Variants in VWDE observed in about 807,000 individuals in gnomAD.
The protein encoded by VWDE is von Willebrand factor D and EGF domains, also known as von Willebrand factor D and EGF domain-containing protein.
VWDE carries 207 observed loss-of-function variants against 178.4 expected under a neutral mutation model. The observed-to-expected ratio is 1.16, with a 90% confidence interval of 1.04 to 1.30. VWDE has a LOEUF of 1.30. Among genes scored for constraint, VWDE ranks in the 50% most tolerant of loss-of-function variants. The pLI is 0.00. For missense variants in VWDE, 2,287 were observed against 1,901.3 expected (o/e 1.20, Z -3.77); for synonymous variants, 738 against 651.4 (o/e 1.13, Z -2.02).
At position 12,369,918 on chromosome 7, in the gene VWDE, G is replaced by A; in HGVS notation, c.2388C>T (p.Pro796=). 3 of 1,551,410 alleles carry A rather than the reference G, an allele frequency of 1.9e-6. No individual in the cohort carries two copies. Among genetic ancestry groups the A allele is most frequent in the Non-Finnish European group, 2.6e-6 (3 of 1,146,878 alleles). Residue 796 remains proline (P), a synonymous_variant, in exon 12 of 29, where the codon CCC becomes CCT. Coordinates refer to ENST00000275358, the MANE Select transcript of VWDE (RefSeq NM_001135924.3). ...DVQQEFFPSW[P]TPSGLTEYST... The stretch of plus-strand genomic sequence containing the variant: ...TATACTCGGTGAGGCCAGAGGGAGT[G>A]GGCCAAGAGGGGAAAAACTCTTGCT...
chr7:12,390,692 T>C (rs1393834773), intron 2 of VWDE, among the ~76,000 whole-genome samples: 1 of 151,870 alleles, frequency 6.6e-6, no homozygotes, highest in African/African-American at 2.4e-5. Context: ...AGACTACAAA[T>C]GGGCAAAATG....
In VWDE at chr7:12,336,129, C is replaced by T. The variant is rs1274755552; in HGVS notation, c.4654+12G>A. 61 of 1,547,072 alleles carry T rather than the reference C, an allele frequency of 3.9e-5. No homozygotes were observed. The highest frequency in any genetic ancestry group is 5.1e-5 in the Non-Finnish European group (58 of 1,144,502). Reference sequence around the variant, plus strand: ...CAGAACATATAGTAGGAAAAACATCCTGTGGGCTTACGTATTTGACACCGC... The same window carrying T: ...CAGAACATATAGTAGGAAAAACATCTTGTGGGCTTACGTATTTGACACCGC... On this transcript the variant is annotated intron_variant, in intron 27 of 28. Transcript: ENST00000275358.
intron 13 of VWDE, among the ~76,000 whole-genome samples, chr7:12,363,584 T>C (rs1782696005): frequency 1.3e-5 from 2 of 152,190 alleles, no homozygotes; most frequent in South Asian, 2.1e-4. Flanking sequence ...TTACACTTTA[T>C]ATTAAAAAAA....
intron 7 of VWDE, 89 bp from the exon 8 acceptor site, chr7:12,375,316 T>G: frequency 1.0e-6 from 1 of 1,004,128 alleles, no homozygotes; most frequent in South Asian, 1.7e-5. Context: ...AACACTGAAT[T>G]GTAAGATTAT....
chr7:12,381,909 C>A (rs1243245926), intron 4 of VWDE, among the ~76,000 whole-genome samples: 1 of 151,718 alleles, frequency 6.6e-6, no homozygotes, highest in East Asian at 1.9e-4. Context: ...TGAATCAATA[C>A]TTTAAATTGA....
At chr7:12,366,761 A>G (rs953654520) in intron 13 of VWDE, among the ~76,000 whole-genome samples, 5 of 152,246 alleles carry the variant, frequency 3.3e-5, no homozygotes, top group Admixed American at 2.0e-4. Context: ...TTTGAAATTC[A>G]TAGAGTCATC....
At chr7:12,345,093 C>T (rs1039531511) in intron 19 of VWDE, among the ~76,000 whole-genome samples, 2 of 151,984 alleles carry the variant, frequency 1.3e-5, no homozygotes, top group African/African-American at 4.8e-5. Flanking sequence ...ACAGTTGATA[C>T]AAAATGTTTC....
chr7:12,333,358 T>A (rs1780835339), intron 28 of VWDE, 107 bp downstream of exon 28: 3 of 740,108 alleles, frequency 4.1e-6, no homozygotes, highest in Admixed American at 3.4e-5. Flanking sequence ...AATGCTTTTT[T>A]TATTTTGGAA....
At chr7:12,399,894 G>A (rs1784820101) in intron 1 of VWDE, among the ~76,000 whole-genome samples, 1 of 151,804 alleles carries the variant, frequency 6.6e-6, no homozygotes, top group African/African-American at 2.4e-5. Context: ...TGATTACAAT[G>A]GAATGAAATT....
In VWDE at chr7:12,344,232, C is replaced by G. The variant is rs775161691; in HGVS notation, c.4041G>C (p.Gln1347His). The G allele has an allele frequency of 3.2e-6, 5 of 1,551,150 alleles. No individual in the cohort carries two copies. In the Admixed American group the frequency reaches 5.9e-5, roughly 18 times the overall value. The stretch of plus-strand genomic sequence containing the variant: ...TTGCTCCACCATGTCCTGGAAGACA[C>G]TGACAAATGTTAGGCTTAATACATT... ...HGKCIKPNIC[Q>H]CLPGHGGATC... Residue 1347 changes from glutamine (Q) to histidine (H), a missense_variant, in exon 21 of 29, where the codon CAG becomes CAC. Physicochemically the swap from Gln to His is conservative, Grantham distance 24. Coordinates refer to ENST00000275358, the MANE Select transcript of VWDE (RefSeq NM_001135924.3).
At chr7:12,371,221 G>C (rs1783179825) in intron 10 of VWDE, among the ~76,000 whole-genome samples, 1 of 152,148 alleles carries the variant, frequency 6.6e-6, no homozygotes, top group Non-Finnish European at 1.5e-5. Flanking sequence ...ATTTAATACA[G>C]AATTAGATTG....
chr7:12,376,855 C>G (rs906837731), intron 7 of VWDE, among the ~76,000 whole-genome samples: 1 of 152,062 alleles, frequency 6.6e-6, no homozygotes, highest in East Asian at 1.9e-4. Context: ...CTTTAGCCAT[C>G]TCTTTTCTTG....
intron 10 of VWDE, among the ~76,000 whole-genome samples, chr7:12,371,401 C>T (rs984056345): frequency 6.6e-6 from 1 of 152,006 alleles, no homozygotes; most frequent in Non-Finnish European, 1.5e-5. Context: ...CTGAATGACC[C>T]TAGTAGCCTG....
chr7:12,393,620 C>G lies in VWDE; in HGVS notation c.217G>C (p.Ala73Pro), dbSNP rs1784489541. Reference protein sequence around the residue: ...WYRFLILDRPAEMPTKCVEMN... With the variant: ...WYRFLILDRPPEMPTKCVEMN... ...TCAACACATTTGGTTGGCATCTCGG[C>G]AGGTCTGTCAAGGATGAGAAATCTA... Residue 73 changes from alanine (A) to proline (P), a missense_variant, in exon 2 of 29, where the codon GCC becomes CCC. Physicochemically the swap from Ala to Pro is conservative, Grantham distance 27. Transcript: ENST00000275358. 3 of 1,549,534 alleles carry G rather than the reference C, an allele frequency of 1.9e-6. No individual in the cohort carries two copies. Among genetic ancestry groups the G allele is most frequent in the Middle Eastern group, 1.7e-4 (1 of 5,968 alleles).
chr7:12,370,479 T>A lies in VWDE; in HGVS notation c.1827A>T (p.Thr609=). Reference sequence around the variant, plus strand: ...CAGGTGATGTCATAGAAACTGGCAGTGTGTCAGACATGCTTTTTCCTGGTA... The same window carrying A: ...CAGGTGATGTCATAGAAACTGGCAGAGTGTCAGACATGCTTTTTCCTGGTA... ...RILPGKSMSD[T]LPVSMTSPGK... Residue 609 remains threonine (T), a synonymous_variant, in exon 12 of 29, where the codon ACA becomes ACT. Transcript: ENST00000275358. 2 of 1,541,320 alleles carry A rather than the reference T, an allele frequency of 1.3e-6. No individual in the cohort carries two copies. Among genetic ancestry groups the A allele is most frequent in the Non-Finnish European group, 1.7e-6 (2 of 1,145,984 alleles).
At chr7:12,358,131 C>G (rs1481413202) in intron 16 of VWDE, among the ~76,000 whole-genome samples, 1 of 152,116 alleles carries the variant, frequency 6.6e-6, no homozygotes, top group Non-Finnish European at 1.5e-5. Flanking sequence ...AATCCCAGTA[C>G]TTTGGGAAGC....
chr7:12,389,412 T>A (rs1784269633), intron 2 of VWDE, 54 bp from the exon 3 acceptor site: 1 of 1,273,900 alleles, frequency 7.8e-7, no homozygotes, highest in Non-Finnish European at 1.1e-6. Flanking sequence ...TCATCCATTG[T>A]AGATATATCA....
chr7:12,385,962 G>A (rs1047999638), intron 3 of VWDE, among the ~76,000 whole-genome samples: 2 of 151,998 alleles, frequency 1.3e-5, no homozygotes, highest in Admixed American at 6.6e-5. Context: ...TGGAAGGGAT[G>A]TCATAAAATG....
chr7:12,340,388 C>T lies in VWDE; in HGVS notation c.4300G>A (p.Gly1434Ser), dbSNP rs368357676. 3.7e-5 allele frequency: 58 copies of T among 1,551,434 alleles called. No individual in the cohort carries two copies. The African/African-American group carries it at 5.5e-4, about 15-fold the overall frequency. ...ALCDPVCLNGGSCNKPNTCLC... is the reference protein window; with the variant it reads ...ALCDPVCLNGSSCNKPNTCLC... ...CAAGTATTTGGCTTATTACACGAACCACCATTGAGGCAGACAGGGTCGCAC... is the reference window on the plus strand; with the variant it reads ...CAAGTATTTGGCTTATTACACGAACTACCATTGAGGCAGACAGGGTCGCAC... The change falls in exon 24 of 29, where the codon GGT (glycine) becomes AGT (serine). Residue 1434 changes from glycine (G) to serine (S), a missense_variant. Coordinates refer to ENST00000275358, the MANE Select transcript of VWDE (RefSeq NM_001135924.3).
Sources: gnomAD v4.1 joint callset for allele counts (sites outside exome capture counted in the v4.1 genomes callset) on GRCh38, gnomAD v4.1.1 for gene constraint, MANE v1.5 for transcripts, NCBI Gene and HGNC (gene_info 2026-07-23, HGNC 2026-07-21) for gene names.